Variants in PIEZO2 observed in about 807,000 individuals in gnomAD.
PIEZO2 encodes the protein piezo type mechanosensitive ion channel component 2.
A neutral mutation model predicts 337.3 loss-of-function variants in PIEZO2; 172 were observed. The observed-to-expected ratio is 0.51, with a 90% CI of 0.45 to 0.58. PIEZO2 has a LOEUF of 0.58. Among genes scored for constraint, PIEZO2 ranks in the 20% least tolerant of loss-of-function variants. The probability of loss-of-function intolerance (pLI) is 0.00; values close to 1 mark genes in which losing one functional copy is unlikely to be tolerated. For synonymous variants in PIEZO2, 1,251 were observed against 1,228.5 expected, an observed-to-expected ratio of 1.02 and a Z score of -0.38; for missense variants, 3,028 against 3,391.3, an observed-to-expected ratio of 0.89 and a Z score of 2.66.
chr18:10,783,804 T>C lies in PIEZO2; in HGVS notation c.2492+980A>G, dbSNP rs2039115580. 6.6e-6 allele frequency among the ~76,000 whole-genome samples: 1 copy of C among 152,192 alleles called. No individual in the cohort carries two copies. The highest frequency in any genetic ancestry group is 2.4e-5 in the African/African-American group (1 of 41,444). ...CTGGTCATAAACAAGGATTATAAAA[T>C]GTTTCTCATCATTAAATAAATGTTT... On this transcript the variant is annotated intron_variant, in intron 17 of 55. Coordinates refer to ENST00000674853, the MANE Select transcript of PIEZO2 (RefSeq NM_001378183.1). This position sits in a 1 kb window ranked among gnomAD's most constrained non-coding sequence, Gnocchi z 4.3.
At chr18:10,696,353 T>G (rs373635030) in intron 46 of PIEZO2, 39 bp downstream of exon 46, 183 of 1,613,786 alleles carry the variant, frequency 1.1e-4, no homozygotes, top group Admixed American at 4.2e-4. Context: ...GCCATCGCCA[T>G]GGGTCAGGGC....
chr18:11,023,484 C>T (rs2036393903), intron 2 of PIEZO2, among the ~76,000 whole-genome samples: 1 of 152,192 alleles, frequency 6.6e-6, no homozygotes, highest in African/African-American at 2.4e-5. Context: ...TGTTTACAAA[C>T]CTTGAGCTAG....
chr18:11,003,977 TCCACAACTCTGAC>T lies in PIEZO2; in HGVS notation c.161-24330_161-24318del, dbSNP rs2035634109. On this transcript the variant is annotated intron_variant, in intron 2 of 55. Coordinates refer to ENST00000674853, the MANE Select transcript of PIEZO2 (RefSeq NM_001378183.1). This position sits in a 1 kb window ranked among gnomAD's most constrained non-coding sequence, Gnocchi z 4.6. ...TTGTTTTCTAACCCATGTTATGCCT[TCCACAACTCTGAC>T]CCTAAACAAATGATGGTTTCCATGT... Among the ~76,000 whole-genome samples the T allele has an allele frequency of 1.3e-5, 2 of 152,230 alleles. No individual in the cohort carries two copies. The highest frequency in any genetic ancestry group is 4.8e-5 in the African/African-American group (2 of 41,460).
At chr18:10,793,372 A>G (rs1012751505) in intron 13 of PIEZO2, among the ~76,000 whole-genome samples, 1 of 152,206 alleles carries the variant, frequency 6.6e-6, no homozygotes, top group African/African-American at 2.4e-5. Flanking sequence ...TCCTGGGTGC[A>G]TTAAAATATA....
In PIEZO2 at chr18:10,672,605, A is replaced by T; in HGVS notation, c.8345+85T>A. The T allele has an allele frequency of 7.0e-7, 1 of 1,435,018 alleles. No homozygotes were observed. The allele number at this position is 1,435,018 out of a possible 1,614,324, so 88.9% of individuals were successfully genotyped here. A position where few individuals can be genotyped will look rare whatever the true frequency, so the allele number is the denominator to read the frequency against. ...TGCAGCTCTAAAATTAGCGAATTCTAAGAAGATAAAAGGCTTCCCACTCTC... is the reference window on the plus strand; with the variant it reads ...TGCAGCTCTAAAATTAGCGAATTCTTAGAAGATAAAAGGCTTCCCACTCTC... On this transcript the variant is annotated intron_variant, in intron 55 of 55. Transcript: ENST00000674853. This position sits in a 1 kb window ranked among gnomAD's most constrained non-coding sequence, Gnocchi z 4.7.
rs1228160526 is a variant in PIEZO2, at chr18:10,828,116, GTTTT to G, written c.918-20846_918-20843del. Among the ~76,000 whole-genome samples, 2 of 128,388 alleles carry G rather than the reference GTTTT, an allele frequency of 1.6e-5. No individual in the cohort carries two copies. Among genetic ancestry groups the G allele is most frequent in the Admixed American group, 1.6e-4 (2 of 12,460 alleles). The allele number at this position is 128,388 out of a possible 152,430, so 84.2% of individuals were successfully genotyped here. A position where few individuals can be genotyped will look rare whatever the true frequency, so the allele number is the denominator to read the frequency against. The stretch of plus-strand genomic sequence containing the variant: ...TAGACAAGCTCGAAATAGCATGACG[GTTTT>G]TTTTTGTTTGTTTGTTTTTGTTTTT... On this transcript the variant is annotated intron_variant, in intron 7 of 55. Coordinates refer to ENST00000674853, the MANE Select transcript of PIEZO2 (RefSeq NM_001378183.1). This position sits in a 1 kb window ranked among gnomAD's most constrained non-coding sequence, Gnocchi z 4.1.
At chr18:10,866,826 G>A (rs1230561147) in intron 5 of PIEZO2, among the ~76,000 whole-genome samples, 4 of 152,174 alleles carry the variant, frequency 2.6e-5, no homozygotes, top group African/African-American at 9.7e-5. Flanking sequence ...ATAAAAAATC[G>A]TCTCTTCTAC....
chr18:10,737,294 A>AAAAC lies in PIEZO2; in HGVS notation c.4709-588_4709-585dup, dbSNP rs1555634860. ...ACATGGCAAGACATTTGAAAAAAAAAAAACAAAAAAACACGCACACACTGC... is the reference window on the plus strand; with the variant it reads ...ACATGGCAAGACATTTGAAAAAAAAAAAACAAACAAAAAAACACGCACACACTGC... On this transcript the variant is annotated intron_variant, in intron 33 of 55. Coordinates refer to ENST00000674853, the MANE Select transcript of PIEZO2 (RefSeq NM_001378183.1). 7.1e-3 allele frequency among the ~76,000 whole-genome samples: 1,040 copies of AAAAC among 146,214 alleles called. 18 individuals are homozygous for AAAAC. The highest frequency in any genetic ancestry group is 0.026 in the African/African-American group (947 of 36,246).
intron 2 of PIEZO2, among the ~76,000 whole-genome samples, chr18:11,024,030 T>A (rs1278685260): frequency 6.6e-6 from 1 of 152,040 alleles, no homozygotes; most frequent in Non-Finnish European, 1.5e-5. Flanking sequence ...CGCCTCTCCC[T>A]CCACACCTCC....
At chr18:11,025,381 G>A (rs1019276460) in intron 2 of PIEZO2, among the ~76,000 whole-genome samples, 2 of 152,204 alleles carry the variant, frequency 1.3e-5, no homozygotes, top group African/African-American at 2.4e-5. Context: ...GAAATGCTTA[G>A]TGTTTCCGTG....
chr18:10,674,531 T>C (rs1042940804), intron 54 of PIEZO2, among the ~76,000 whole-genome samples: 1 of 152,374 alleles, frequency 6.6e-6, no homozygotes, highest in African/African-American at 2.4e-5. Context: ...TCTTCACTTA[T>C]GTCTGCATCT....
intron 4 of PIEZO2, among the ~76,000 whole-genome samples, chr18:10,885,355 T>C (rs1010848861): frequency 6.6e-6 from 1 of 151,508 alleles, no homozygotes; most frequent in Admixed American, 6.6e-5. Context: ...ACCCGGGAGG[T>C]GGAGCTTGCA....
intron 7 of PIEZO2, among the ~76,000 whole-genome samples, chr18:10,839,688 C>T (rs1003649461): frequency 6.6e-6 from 1 of 152,174 alleles, no homozygotes; most frequent in African/African-American, 2.4e-5. Flanking sequence ...ATCTCAACCC[C>T]AGGATAGTAG....
intron 4 of PIEZO2, among the ~76,000 whole-genome samples, chr18:10,875,336 A>T (rs1350408459): frequency 6.6e-6 from 1 of 152,344 alleles, no homozygotes; most frequent in East Asian, 1.9e-4. Flanking sequence ...AATTGCAGAG[A>T]TTCATTGTAT....
intron 2 of PIEZO2, among the ~76,000 whole-genome samples, chr18:11,057,012 G>A (rs1344646799): frequency 1.3e-5 from 2 of 152,142 alleles, no homozygotes; most frequent in Non-Finnish European, 2.9e-5. Context: ...GAGGACATTG[G>A]ATCAATGGTG....
Position 10,718,222 on chromosome 18 carries a change from G to T in PIEZO2, c.5067C>A (p.Ile1689=). The change falls in exon 37 of 56, where the codon ATC becomes ATA. Residue 1689 remains isoleucine, a synonymous_variant. Transcript: ENST00000674853. The part of the protein sequence containing the change: ...VEWEDREDEP[I]KKKSDGPDNI... ...TACCTGGTCCATCGGATTTCTTTTT[G>T]ATTGGTTCATCCTCCCGGTCTTCCC... is the stretch of plus-strand genomic sequence containing the variant. The T allele has an allele frequency of 1.3e-6, 2 of 1,536,986 alleles. No homozygotes were observed. Among genetic ancestry groups the T allele is most frequent in the African/African-American group, 1.4e-5 (1 of 73,132 alleles).
chr18:10,769,926 T>A, intron 21 of PIEZO2: 2 of 473,188 alleles, frequency 4.2e-6, no homozygotes, highest in East Asian at 3.4e-5. Flanking sequence ...AAGTAGCCTT[T>A]GTAATATGAC....
intron 3 of PIEZO2, among the ~76,000 whole-genome samples, chr18:10,914,914 A>C (rs1214868200): frequency 6.6e-6 from 1 of 151,972 alleles, no homozygotes; most frequent in Non-Finnish European, 1.5e-5. Context: ...CCAGCCTTTA[A>C]GCTCCTTTCA....
At chr18:10,762,363 G>T in intron 23 of PIEZO2, 137 bp downstream of exon 23, 1 of 1,084,464 alleles carries the variant, frequency 9.2e-7, no homozygotes. Context: ...CTTAGAGTTT[G>T]TTGCAAAGGT....
Sources: gnomAD v4.1 joint callset for allele counts (sites outside exome capture counted in the v4.1 genomes callset) on GRCh38, gnomAD v4.1.1 for gene constraint, Gnocchi (gnomAD v3.1) non-coding constraint, MANE v1.5 for transcripts, NCBI Gene and HGNC (gene_info 2026-07-23, HGNC 2026-07-21) for gene names.